The following SPICE1 variants were observed in gnomAD, a reference collection of about 807,000 sequenced individuals.
SPICE1 encodes spindle and centriole-associated protein 1.
SPICE1 carries 75 observed loss-of-function variants against 102.7 expected under a neutral mutation model. That is an observed-to-expected ratio of 0.73 (90% confidence interval 0.61 to 0.88). SPICE1 has a LOEUF of 0.88. SPICE1 is among the 40% of genes least tolerant of loss of function. The probability of loss-of-function intolerance (pLI) is 0.00; values close to 1 mark genes in which losing one functional copy is unlikely to be tolerated. For synonymous variants in SPICE1, 308 were observed against 350.3 expected, an observed-to-expected ratio of 0.88 and a Z score of 1.35; for missense variants, 979 against 1,020.1, an observed-to-expected ratio of 0.96 and a Z score of 0.55.
intron 7 of SPICE1, among the ~76,000 whole-genome samples, chr3:113,478,062 T>A (rs942016262): frequency 4.6e-5 from 7 of 151,402 alleles, no homozygotes; most frequent in Non-Finnish European, 7.4e-5. Context: ...AAGGTATATA[T>A]GCAAAGGTAA....
In SPICE1 at chr3:113,460,717, T is replaced by C. The variant is rs770865906; in HGVS notation, c.1335A>G (p.Ser445=). Residue 445 remains serine, a synonymous_variant, in exon 12 of 18, where the codon TCA becomes TCG. Transcript: ENST00000295872. ...YMVTTDEQLI[S]LTHAIKNCPV... The stretch of plus-strand genomic sequence containing the variant: ...GACAGTTCTTAATAGCATGTGTGAG[T>C]GATATCAGTTGCTCATCTGTTGTGA... 6.2e-6 allele frequency: 10 copies of C among 1,613,390 alleles called. No individual in the cohort carries two copies. In the Admixed American group the frequency reaches 1.7e-4, roughly 27 times the overall value.
rs920508615 is a variant in SPICE1 at position 113,460,798 on chromosome 3, G to T, written c.1288-34C>A. ...GAAAACATATGAAATAATATTATTA[G>T]CATATCAAACATCAAACCACCACCT... is the stretch of plus-strand genomic sequence containing the variant. On this transcript the variant is annotated intron_variant, in intron 11 of 17. Transcript: ENST00000295872. 5.8e-6 allele frequency: 9 copies of T among 1,543,544 alleles called. No homozygotes were observed. The African/African-American group carries it at 1.2e-4, about 21-fold the overall frequency.
intron 4 of SPICE1, 43 bp downstream of exon 4, chr3:113,499,396 A>G: frequency 6.3e-7 from 1 of 1,578,638 alleles, no homozygotes; most frequent in Non-Finnish European, 8.6e-7. Context: ...AACCCTATTT[A>G]TCTCCTTTTT....
chr3:113,509,057 T>A (rs1237077483), intron 1 of SPICE1, among the ~76,000 whole-genome samples: 3 of 152,104 alleles, frequency 2.0e-5, no homozygotes, highest in Admixed American at 1.3e-4. Flanking sequence ...GAGACATAGA[T>A]TAGTGATTGC....
chr3:113,480,591 A>T (rs532016392), intron 7 of SPICE1, among the ~76,000 whole-genome samples: 1 of 152,336 alleles, frequency 6.6e-6, no homozygotes, highest in African/African-American at 2.4e-5. Context: ...ATATTAAGAG[A>T]CATAAGCAGA....
intron 7 of SPICE1, among the ~76,000 whole-genome samples, chr3:113,469,448 A>G (rs1297246666): frequency 1.2e-4 from 17 of 146,310 alleles, no homozygotes; most frequent in Admixed American, 1.1e-3. Flanking sequence ...AATTAATTAT[A>G]TATAATTATA....
intron 7 of SPICE1, among the ~76,000 whole-genome samples, chr3:113,469,829 C>G (rs1025005535): frequency 6.6e-6 from 1 of 152,134 alleles, no homozygotes; most frequent in East Asian, 1.9e-4. Context: ...CCATCCTCCT[C>G]TCTCTTTCTC....
chr3:113,462,668 T>A (rs796396317), intron 11 of SPICE1, among the ~76,000 whole-genome samples: 4 of 152,306 alleles, frequency 2.6e-5, no homozygotes, highest in African/African-American at 9.6e-5. Context: ...GCCCCTCAGT[T>A]GTTAGGACAT....
intron 1 of SPICE1, 58 bp from the exon 2 acceptor site, chr3:113,506,663 C>T: frequency 2.2e-6 from 3 of 1,364,316 alleles, no homozygotes; most frequent in Non-Finnish European, 3.1e-6. Flanking sequence ...TAAGCATCAC[C>T]AGAGTGGGGG....
intron 1 of SPICE1, among the ~76,000 whole-genome samples, chr3:113,510,469 A>G (rs1022814144): frequency 4.6e-5 from 7 of 152,340 alleles, no homozygotes; most frequent in African/African-American, 1.7e-4. Flanking sequence ...ATAAGACTGC[A>G]CATCTACAAC....
At chr3:113,483,581 C>G (rs113183849) in intron 7 of SPICE1, among the ~76,000 whole-genome samples, 2 of 152,090 alleles carry the variant, frequency 1.3e-5, no homozygotes, top group African/African-American at 4.8e-5. Flanking sequence ...GAATTTTTAG[C>G]ATGAAGGGGT....
intron 12 of SPICE1, chr3:113,459,691 G>A (rs1397362085): frequency 1.4e-4 from 114 of 797,682 alleles, no homozygotes; most frequent in Non-Finnish European, 1.7e-4. Flanking sequence ...AGACCAGGCT[G>A]GCCAACATGG....
At position 113,453,514 on chromosome 3, in the gene SPICE1, A is replaced by G; in HGVS notation, c.2094T>C (p.Asp698=). The G allele has an allele frequency of 6.2e-7, 1 of 1,613,784 alleles. No homozygotes were observed. Among genetic ancestry groups the G allele is most frequent in the Non-Finnish European group, 8.5e-7 (1 of 1,179,734 alleles). ...CTTGTTTGTTCAACTCCCGGAGTCC[A>G]TCCCCTTGCTCTCCTCTGGGCTCAA... The part of the protein sequence containing the change: ...NIIEPRGEQG[D]GLRELNKQES... Residue 698 remains aspartate (D), a synonymous_variant, in exon 14 of 18, where the codon GAT becomes GAC. Transcript: ENST00000295872.
At chr3:113,493,509 A>G (rs1290420993) in intron 5 of SPICE1, among the ~76,000 whole-genome samples, 197 bp from the exon 6 acceptor site, 6 of 152,248 alleles carry the variant, frequency 3.9e-5, no homozygotes, top group African/African-American at 1.4e-4. Flanking sequence ...ATAAAACCCT[A>G]TAAGTACAAT....
chr3:113,461,745 A>G (rs1002032840), intron 11 of SPICE1, among the ~76,000 whole-genome samples: 4 of 152,234 alleles, frequency 2.6e-5, no homozygotes, highest in African/African-American at 4.8e-5. Context: ...CTTCTATCTA[A>G]GCATATATAT....
At chr3:113,479,544 T>A (rs577144305) in intron 7 of SPICE1, among the ~76,000 whole-genome samples, 7 of 152,146 alleles carry the variant, frequency 4.6e-5, no homozygotes, top group Non-Finnish European at 7.4e-5. Flanking sequence ...CCCTGAGGAA[T>A]CGCCACACTG....
chr3:113,461,065 CT>C (rs1935922606), intron 11 of SPICE1, among the ~76,000 whole-genome samples: 1 of 152,048 alleles, frequency 6.6e-6, no homozygotes, highest in African/African-American at 2.4e-5. Flanking sequence ...TTCTACAGGG[CT>C]TTCCATTTAC....
chr3:113,463,877 G>C (rs1211751559), intron 11 of SPICE1, among the ~76,000 whole-genome samples: 1 of 152,138 alleles, frequency 6.6e-6, no homozygotes, highest in African/African-American at 2.4e-5. Context: ...GACCATCCTG[G>C]CTAACACGGT....
intron 7 of SPICE1, among the ~76,000 whole-genome samples, chr3:113,479,675 T>C (rs985011764): frequency 2.0e-5 from 3 of 152,084 alleles, no homozygotes; most frequent in Admixed American, 6.6e-5. Context: ...TAAGTAAACA[T>C]GAAAATATAA....
Sources: allele counts gnomAD v4.1 joint callset (sites outside exome capture counted in the v4.1 genomes callset), GRCh38; gene constraint gnomAD v4.1.1; transcripts MANE v1.5; gene names NCBI Gene and HGNC (gene_info 2026-07-23, HGNC 2026-07-21).